POTEJ: variants seen among roughly 807,000 people sequenced by gnomAD.
POTEJ encodes POTE ankyrin domain family, member J.
Under a neutral mutation model 69.0 loss-of-function variants are expected in POTEJ, and 11 were observed. The ratio of observed to expected loss-of-function variants is 0.16; its 90% CI spans 0.10 to 0.26. POTEJ has a LOEUF of 0.26. POTEJ is among the 10% of genes least tolerant of loss of function. POTEJ has a pLI of 1.00. For missense variants in POTEJ, 327 were observed against 1,045.5 expected (o/e 0.31, Z 9.48); for synonymous variants, 117 against 381.1 (o/e 0.31, Z 8.07).
intron 3 of POTEJ, among the ~76,000 whole-genome samples, chr2:130,618,595 AACG>A (rs1209448795): frequency 1.4e-5 from 2 of 145,336 alleles, no homozygotes; most frequent in African/African-American, 5.5e-5. Context: ...CAACAACAAC[AACG>A]ACGACGACAA....
At chr2:130,641,351 C>T (rs1418834428) in intron 10 of POTEJ, among the ~76,000 whole-genome samples, 1 of 150,536 alleles carries the variant, frequency 6.6e-6, no homozygotes, top group Non-Finnish European at 1.5e-5. Flanking sequence ...TGTTAGAAAT[C>T]TCAGTTACTT....
chr2:130,646,626 T>C (rs1573993953), intron 13 of POTEJ, among the ~76,000 whole-genome samples: 1 of 145,518 alleles, frequency 6.9e-6, no homozygotes, highest in Admixed American at 6.8e-5. Flanking sequence ...AGGCTTGGGG[T>C]ACAGATTATT....
chr2:130,626,720 T>A (rs1322611250), intron 6 of POTEJ, among the ~76,000 whole-genome samples: 2 of 152,174 alleles, frequency 1.3e-5, no homozygotes, highest in African/African-American at 2.4e-5. Flanking sequence ...TATAGTTTCC[T>A]TGTCATACAT....
intron 14 of POTEJ, among the ~76,000 whole-genome samples, chr2:130,656,141 T>A (rs1219743620): frequency 2.1e-5 from 3 of 145,452 alleles, no homozygotes; most frequent in Non-Finnish European, 4.6e-5. Flanking sequence ...GTTGATAGGT[T>A]AGATATCAGA....
chr2:130,656,464 A>C, intron 14 of POTEJ, 85 bp from the exon 15 acceptor site: 1 of 1,512,978 alleles, frequency 6.6e-7, no homozygotes, highest in South Asian at 1.2e-5. Context: ...TCATTATACA[A>C]ATACATGTTA....
At chr2:130,644,600 A>G (rs1231348009) in intron 11 of POTEJ, among the ~76,000 whole-genome samples, 5 of 152,170 alleles carry the variant, frequency 3.3e-5, no homozygotes, top group Non-Finnish European at 7.4e-5. Context: ...CCCACTATAA[A>G]ATTTAAAATA....
At chr2:130,656,475 T>C in intron 14 of POTEJ, 74 bp from the exon 15 acceptor site, 3 of 1,534,394 alleles carry the variant, frequency 2.0e-6, no homozygotes, top group Non-Finnish European at 2.6e-6. Flanking sequence ...ATACATGTTA[T>C]TTTTGAATTT....
At chr2:130,638,857 C>T (rs1485992582) in intron 10 of POTEJ, among the ~76,000 whole-genome samples, 168 bp downstream of exon 10, 648 of 151,736 alleles carry the variant, frequency 4.3e-3, no homozygotes, top group African/African-American at 0.015. Flanking sequence ...ATTATTATTA[C>T]ATTGTAATAT....
At chr2:130,612,419 T>G (rs1685242408) in intron 1 of POTEJ, among the ~76,000 whole-genome samples, 1 of 150,344 alleles carries the variant, frequency 6.7e-6, no homozygotes, top group Non-Finnish European at 1.5e-5. Flanking sequence ...AGAAGGAAAC[T>G]GAAATGGGAA....
At chr2:130,630,828 T>C (rs1487176441) in intron 7 of POTEJ, among the ~76,000 whole-genome samples, 3 of 145,106 alleles carry the variant, frequency 2.1e-5, no homozygotes, top group Non-Finnish European at 4.5e-5. Flanking sequence ...ATAATCTGGA[T>C]ACATAACACT....
intron 13 of POTEJ, among the ~76,000 whole-genome samples, chr2:130,648,538 T>C (rs1374925118): frequency 4.4e-5 from 6 of 137,912 alleles, no homozygotes; most frequent in African/African-American, 9.4e-5. Context: ...ACTAATTTTT[T>C]TCTGTACTAA....
chr2:130,614,176 A>T (rs1338107447), intron 1 of POTEJ, among the ~76,000 whole-genome samples: 1 of 151,996 alleles, frequency 6.6e-6, no homozygotes, highest in African/African-American at 2.4e-5. Flanking sequence ...AGAAAAAAAA[A>T]AAAAAAAGGA....
intron 6 of POTEJ, among the ~76,000 whole-genome samples, chr2:130,627,448 G>A (rs1237590052): frequency 6.3e-5 from 9 of 141,828 alleles, no homozygotes; most frequent in African/African-American, 2.3e-4. Context: ...TCCATGACCT[G>A]TGTGAGTCAC....
chr2:130,657,434 A>C lies in POTEJ; in HGVS notation c.2674A>C (p.Met892Leu). Reference sequence around the variant, plus strand: ...CCTGGACTTCGAGCAGGAGATGGCCATGGTGGCCTCCAGCTCCTCCCTAGA... The same window carrying C: ...CCTGGACTTCGAGCAGGAGATGGCCCTGGTGGCCTCCAGCTCCTCCCTAGA... ...VALDFEQEMA[M>L]VASSSSLEKS... The change falls in exon 15 of 15, where the codon ATG becomes CTG. Residue 892 changes from methionine to leucine, a missense_variant. Met to Leu is a conservative substitution (Grantham distance 15). Coordinates refer to ENST00000409602, the MANE Select transcript of POTEJ (RefSeq NM_001277083.2). 1 of 1,600,674 alleles carries C rather than the reference A, an allele frequency of 6.2e-7. No homozygotes were observed. The highest frequency in any genetic ancestry group is 8.5e-7 in the Non-Finnish European group (1 of 1,172,560).
Position 130,614,156 on chromosome 2 carries a change from CAA to C in POTEJ, c.410+2223_410+2224del, listed in dbSNP as rs1330424687. Among the ~76,000 whole-genome samples the C allele has an allele frequency of 3.7e-3, 281 of 75,272 alleles. 1 individual carries two copies. Among genetic ancestry groups the C allele is most frequent in the African/African-American group, 0.016 (265 of 16,180 alleles). 49.4% of individuals were successfully genotyped at this position (75,272 alleles called of 152,430 possible). The stretch of plus-strand genomic sequence containing the variant: ...TGAGTGATAGAGTGAGACTCCATCT[CAA>C]AAAAAAAAGAAAAAAAAAAAAAAAA... On this transcript the variant is annotated intron_variant, in intron 1 of 14. Coordinates refer to ENST00000409602, the MANE Select transcript of POTEJ (RefSeq NM_001277083.2).
chr2:130,639,328 G>T (rs1475063870), intron 10 of POTEJ, among the ~76,000 whole-genome samples: 1 of 152,310 alleles, frequency 6.6e-6, no homozygotes, highest in Non-Finnish European at 1.5e-5. Flanking sequence ...CACAGGTCAT[G>T]TTACATATGC....
At chr2:130,631,054 C>T (rs1685878969) in intron 7 of POTEJ, among the ~76,000 whole-genome samples, 2 of 143,622 alleles carry the variant, frequency 1.4e-5, no homozygotes, top group African/African-American at 5.6e-5. Flanking sequence ...TACAAATCAT[C>T]TGCTGATTCA....
intron 1 of POTEJ, among the ~76,000 whole-genome samples, chr2:130,613,265 CATATAT>C (rs1230704877): frequency 1.5e-4 from 9 of 58,292 alleles, no homozygotes; most frequent in African/African-American, 3.0e-4. Flanking sequence ...CACATATATA[CATATAT>C]ATACATATGT....
rs778164805 is a variant in POTEJ at position 130,657,502 on chromosome 2, C to T, written c.2742C>T (p.Ser914=). The part of the protein sequence containing the change: ...ELPDGQVITI[S]NEWFRCPEAL... ...CCGATGGCCAGGTCATCACCATCAGCAACGAGTGGTTCCGCTGCCCCGAGG... is the reference window on the plus strand; with the variant it reads ...CCGATGGCCAGGTCATCACCATCAGTAACGAGTGGTTCCGCTGCCCCGAGG... The change falls in exon 15 of 15, where the codon AGC becomes AGT. Residue 914 remains serine, a synonymous_variant. Transcript: ENST00000409602. The T allele has an allele frequency of 2.5e-6, 4 of 1,570,572 alleles. No homozygotes were observed. The South Asian group carries it at 4.4e-5, about 17-fold the overall frequency.
Sources: allele counts gnomAD v4.1 joint callset (sites outside exome capture counted in the v4.1 genomes callset), GRCh38; gene constraint gnomAD v4.1.1; transcripts MANE v1.5; gene names NCBI Gene and HGNC (gene_info 2026-07-23, HGNC 2026-07-21).